Variants in DLG2 observed in about 807,000 individuals in gnomAD.
DLG2 encodes discs large MAGUK scaffold protein 2.
In DLG2, 45 loss-of-function variants were observed where a neutral mutation model predicts 132.5. The observed-to-expected ratio is 0.34, with a 90% confidence interval of 0.27 to 0.44. The LOEUF (loss-of-function observed/expected upper bound fraction) is 0.44. DLG2 is among the 20% of genes least tolerant of loss of function. The pLI, the probability that DLG2 is intolerant of heterozygous loss-of-function variation, is 1.00. For missense variants in DLG2, 1,045 were observed against 1,196.9 expected (o/e 0.87, Z 1.87); for synonymous variants, 424 against 419.6 (o/e 1.01, Z -0.13).
At chr11:85,019,190 A>G (rs996485286) in intron 6 of DLG2, among the ~76,000 whole-genome samples, 1 of 152,200 alleles carries the variant, frequency 6.6e-6, no homozygotes, top group Non-Finnish European at 1.5e-5. Context: ...TGAAAACCAT[A>G]CATCCTTTTT....
intron 19 of DLG2, among the ~76,000 whole-genome samples, chr11:83,612,984 C>T (rs1002148673): frequency 6.6e-6 from 1 of 152,170 alleles, no homozygotes; most frequent in Admixed American, 6.5e-5. Context: ...TGGCTGGAAG[C>T]GAATGACACT....
intron 7 of DLG2, among the ~76,000 whole-genome samples, chr11:84,350,179 C>CCA (rs2098557115): frequency 1.4e-5 from 2 of 143,616 alleles, no homozygotes; most frequent in South Asian, 2.4e-4. Flanking sequence ...CTTCGTCCCC[C>CCA]CCCCCAAAAA....
intron 12 of DLG2, among the ~76,000 whole-genome samples, chr11:83,970,313 T>G (rs148752990): frequency 6.6e-6 from 1 of 152,280 alleles, no homozygotes; most frequent in Admixed American, 6.5e-5. Context: ...TAGAGTGACT[T>G]TGCTAACAGA....
intron 7 of DLG2, among the ~76,000 whole-genome samples, chr11:84,425,689 T>G (rs1344079346): frequency 1.3e-5 from 2 of 152,068 alleles, no homozygotes; most frequent in Non-Finnish European, 2.9e-5. Flanking sequence ...CTTCATAAAT[T>G]AAATCTGAGA....
chr11:85,406,138 G>T (rs1462199448), intron 3 of DLG2, among the ~76,000 whole-genome samples: 1 of 151,750 alleles, frequency 6.6e-6, no homozygotes, highest in Admixed American at 6.6e-5. Context: ...TAGACTGATG[G>T]ATATCAAACA....
At chr11:84,919,259 A>C (rs2092643688) in intron 6 of DLG2, among the ~76,000 whole-genome samples, 1 of 152,164 alleles carries the variant, frequency 6.6e-6, no homozygotes, top group Non-Finnish European at 1.5e-5. Flanking sequence ...CTTACTGCTT[A>C]TAACAGCTAA....
intron 6 of DLG2, among the ~76,000 whole-genome samples, chr11:84,576,282 G>A (rs181941593): frequency 1.3e-5 from 2 of 152,192 alleles, no homozygotes; most frequent in East Asian, 1.9e-4. Flanking sequence ...CACATAATAT[G>A]TGTTTATCTA....
intron 6 of DLG2, among the ~76,000 whole-genome samples, chr11:84,830,995 T>C (rs1225529297): frequency 9.1e-6 from 1 of 109,960 alleles, no homozygotes; most frequent in Non-Finnish European, 1.7e-5. Context: ...TTTCCCCCCA[T>C]ATTGAAAAAA....
At chr11:85,434,177 TAA>T (rs1366684821) in intron 3 of DLG2, among the ~76,000 whole-genome samples, 1 of 152,100 alleles carries the variant, frequency 6.6e-6, no homozygotes, top group Non-Finnish European at 1.5e-5. Flanking sequence ...AAAGCTGTGT[TAA>T]GAGGGAAATT....
intron 6 of DLG2, among the ~76,000 whole-genome samples, chr11:84,876,169 T>C (rs190975142): frequency 2.0e-5 from 3 of 152,342 alleles, no homozygotes; most frequent in Admixed American, 2.0e-4. Flanking sequence ...GCACAGCTAA[T>C]CTAAATATCT....
At chr11:85,364,790 T>C (rs1238609073) in intron 3 of DLG2, among the ~76,000 whole-genome samples, 2 of 152,216 alleles carry the variant, frequency 1.3e-5, no homozygotes, top group African/African-American at 2.4e-5. Flanking sequence ...TGATTTCAGA[T>C]AGATTTTCAA....
intron 6 of DLG2, among the ~76,000 whole-genome samples, chr11:84,747,069 G>T (rs901688753): frequency 2.0e-5 from 3 of 152,138 alleles, no homozygotes; most frequent in African/African-American, 4.8e-5. Flanking sequence ...GACAAGTCAG[G>T]CTTGGAGTTT....
chr11:85,125,441 G>C (rs1594591786), intron 5 of DLG2, among the ~76,000 whole-genome samples: 1 of 152,078 alleles, frequency 6.6e-6, no homozygotes, highest in African/African-American at 2.4e-5. Context: ...TAGTTTTACA[G>C]ACTATGGATA....
At chr11:85,017,855 TA>T (rs2059699957) in intron 6 of DLG2, among the ~76,000 whole-genome samples, 1 of 152,180 alleles carries the variant, frequency 6.6e-6, no homozygotes, top group African/African-American at 2.4e-5. Context: ...ATCTGTTCAC[TA>T]GCGAAAACTG....
chr11:85,456,950 T>A (rs913626748), intron 3 of DLG2, among the ~76,000 whole-genome samples: 1 of 152,104 alleles, frequency 6.6e-6, no homozygotes, highest in Non-Finnish European at 1.5e-5. Context: ...ATTAGGCCCA[T>A]TTGGTTAAGT....
intron 18 of DLG2, among the ~76,000 whole-genome samples, chr11:83,716,079 A>G (rs1340127762): frequency 1.3e-5 from 2 of 152,190 alleles, no homozygotes; most frequent in African/African-American, 4.8e-5. Flanking sequence ...AATGCCCACC[A>G]TGCCTGGCAC....
At chr11:83,892,202 AG>A (rs2070133261) in intron 15 of DLG2, among the ~76,000 whole-genome samples, 1 of 152,200 alleles carries the variant, frequency 6.6e-6, no homozygotes, top group Admixed American at 6.5e-5. Context: ...AAGAAGAAAA[AG>A]TAAGTTGGAA....
intron 6 of DLG2, among the ~76,000 whole-genome samples, chr11:84,778,700 G>A (rs2071142496): frequency 1.3e-5 from 2 of 152,132 alleles, no homozygotes; most frequent in Admixed American, 1.3e-4. Context: ...TTGGATTGAA[G>A]GAGGGAAATT....
intron 21 of DLG2, among the ~76,000 whole-genome samples, chr11:83,528,779 A>G (rs2095668264): frequency 6.6e-6 from 1 of 152,092 alleles, no homozygotes; most frequent in Non-Finnish European, 1.5e-5. Context: ...CCCTAAATTG[A>G]TGGAAAACAT....
Sources: gnomAD v4.1 joint callset for allele counts (sites outside exome capture counted in the v4.1 genomes callset) on GRCh38, gnomAD v4.1.1 for gene constraint, MANE v1.5 for transcripts, NCBI Gene and HGNC (gene_info 2026-07-23, HGNC 2026-07-21) for gene names.